Variants in SKAP1 observed in about 807,000 individuals in gnomAD.
SKAP1 encodes src kinase-associated phosphoprotein 1.
Under a neutral mutation model 58.5 loss-of-function variants are expected in SKAP1, and 44 were observed. That is an observed-to-expected ratio of 0.75 (90% CI 0.59 to 0.97). The LOEUF (loss-of-function observed/expected upper bound fraction) is 0.97. SKAP1 is among the 50% of genes least tolerant of loss of function. The pLI is 0.00. For synonymous variants in SKAP1, 127 were observed against 149.7 expected, an observed-to-expected ratio of 0.85 and a Z score of 1.11; for missense variants, 390 against 435.2, an observed-to-expected ratio of 0.90 and a Z score of 0.92.
At chr17:48,381,010 T>G (rs1338081012) in intron 2 of SKAP1, among the ~76,000 whole-genome samples, 1 of 152,206 alleles carries the variant, frequency 6.6e-6, no homozygotes, top group Admixed American at 6.5e-5. Flanking sequence ...TGTATACAAA[T>G]TATACCCAAT....
chr17:48,393,612 TA>T (rs1211101453), intron 2 of SKAP1, among the ~76,000 whole-genome samples: 3 of 152,072 alleles, frequency 2.0e-5, no homozygotes, highest in African/African-American at 7.2e-5. Context: ...AAGCCAGCCA[TA>T]AAAATAAGAG....
chr17:48,205,033 TTCTTTC>T (rs1344799199), intron 4 of SKAP1, among the ~76,000 whole-genome samples: 4 of 43,926 alleles, frequency 9.1e-5, no homozygotes, highest in African/African-American at 2.5e-4. Flanking sequence ...CTTTCTTTCT[TTCTTTC>T]TCTCTCTCTC....
chr17:48,315,566 A>C (rs900467404), intron 4 of SKAP1, among the ~76,000 whole-genome samples: 4 of 152,238 alleles, frequency 2.6e-5, no homozygotes, highest in Admixed American at 2.6e-4. Flanking sequence ...TTTATTAGAC[A>C]CAACTATCCA....
chr17:48,164,369 G>C (rs1223551286), intron 10 of SKAP1, among the ~76,000 whole-genome samples: 2 of 152,170 alleles, frequency 1.3e-5, no homozygotes, highest in Non-Finnish European at 2.9e-5. Context: ...TTTCTAAGTG[G>C]TAAGGAGACT....
the SKAP1 span, among the ~76,000 whole-genome samples, chr17:48,437,082 C>T: frequency 1.3e-5 from 2 of 152,274 alleles, no homozygotes; most frequent in African/African-American, 4.8e-5. Context: ...TCTCTTTGTT[C>T]TCTGAGTCTC....
intron 1 of SKAP1, among the ~76,000 whole-genome samples, chr17:48,398,260 A>G (rs118073475): frequency 0.035 from 5,366 of 152,130 alleles, 137 homozygotes; most frequent in Non-Finnish European, 0.054. Flanking sequence ...GCAGCATTAG[A>G]TCCTTATAGG....
At chr17:48,256,773 G>T (rs1190638101) in intron 4 of SKAP1, among the ~76,000 whole-genome samples, 26 of 152,084 alleles carry the variant, frequency 1.7e-4, no homozygotes, top group Non-Finnish European at 2.9e-5. Context: ...TGAAGGTAAG[G>T]AAGGAAGAAG....
At chr17:48,264,834 C>G (rs2065525741) in intron 4 of SKAP1, among the ~76,000 whole-genome samples, 1 of 151,858 alleles carries the variant, frequency 6.6e-6, no homozygotes, top group Non-Finnish European at 1.5e-5. Context: ...GTACTTGTCC[C>G]CAGCCTCTTC....
chr17:48,430,062 G>A lies in SKAP1; in HGVS notation c.46+13C>T. 7.9e-7 allele frequency: 1 copy of A among 1,262,788 alleles called. No homozygotes were observed. The highest frequency in any genetic ancestry group is 1.0e-6 in the Non-Finnish European group (1 of 996,210). 78.2% of individuals were successfully genotyped at this position (1,262,788 alleles called of 1,614,324 possible). On this transcript the variant is annotated intron_variant, in intron 1 of 12. Transcript: ENST00000336915. Reference sequence around the variant, plus strand: ...CGGCTCAGCACTGGAGGGGGCCTGCGCCAGGGCGTTACCTTCCAGGAGCCA... The same window carrying A: ...CGGCTCAGCACTGGAGGGGGCCTGCACCAGGGCGTTACCTTCCAGGAGCCA...
intron 2 of SKAP1, among the ~76,000 whole-genome samples, chr17:48,370,662 C>T (rs2067072788): frequency 6.6e-6 from 1 of 152,170 alleles, no homozygotes; most frequent in South Asian, 2.1e-4. Flanking sequence ...AAAAGGAACA[C>T]TTATACATTG....
At chr17:48,140,185 C>A (rs2063751156) in intron 11 of SKAP1, among the ~76,000 whole-genome samples, 1 of 152,192 alleles carries the variant, frequency 6.6e-6, no homozygotes. Flanking sequence ...TACTTAGGCT[C>A]TCTCTCCATG....
chr17:48,351,743 G>A (rs2066804482), intron 3 of SKAP1, among the ~76,000 whole-genome samples: 1 of 152,064 alleles, frequency 6.6e-6, no homozygotes, highest in Non-Finnish European at 1.5e-5. Flanking sequence ...AGAACCTTTA[G>A]AGATAACATT....
chr17:48,155,003 T>C (rs2063953908), intron 11 of SKAP1, among the ~76,000 whole-genome samples: 1 of 150,324 alleles, frequency 6.7e-6, no homozygotes, highest in Non-Finnish European at 1.5e-5. Flanking sequence ...GAGGTTGCAG[T>C]GAGCCAAGAT....
intron 4 of SKAP1, among the ~76,000 whole-genome samples, chr17:48,283,936 G>A (rs866135987): frequency 1.3e-5 from 2 of 152,142 alleles, no homozygotes; most frequent in Non-Finnish European, 2.9e-5. Flanking sequence ...TGATTACTCA[G>A]TTTATTTCAA....
intron 4 of SKAP1, among the ~76,000 whole-genome samples, chr17:48,270,642 T>C (rs993250990): frequency 2.6e-4 from 40 of 152,050 alleles, no homozygotes; most frequent in African/African-American, 9.4e-4. Flanking sequence ...CGCCTGGCCC[T>C]ATTTTTTATT....
chr17:48,155,513 C>T (rs1203590993), intron 11 of SKAP1, among the ~76,000 whole-genome samples: 2 of 152,154 alleles, frequency 1.3e-5, no homozygotes, highest in Non-Finnish European at 2.9e-5. Context: ...GGACTTGTGA[C>T]TTGTCTTATC....
chr17:48,437,859 A>G, the SKAP1 span, among the ~76,000 whole-genome samples: 18 of 151,874 alleles, frequency 1.2e-4, no homozygotes, highest in African/African-American at 4.1e-4. Flanking sequence ...CTAAACAGCC[A>G]CTAAGGCCAC....
intron 2 of SKAP1, among the ~76,000 whole-genome samples, chr17:48,386,650 G>A (rs1350221298): frequency 3.9e-5 from 6 of 152,108 alleles, no homozygotes; most frequent in South Asian, 2.1e-4. Context: ...CTATAAAGTC[G>A]TGATAATCTT....
At position 48,301,564 on chromosome 17, in the gene SKAP1, A is replaced by G. The variant is rs552103436; in HGVS notation, c.280+44341T>C. On this transcript the variant is annotated intron_variant, in intron 4 of 12. Coordinates refer to ENST00000336915, the MANE Select transcript of SKAP1 (RefSeq NM_003726.4). ...CAACCTCCGTCTCCTGGGTTCAAGA[A>G]TTGCTTGAACCCAGCAATTCTTCTA... Among the ~76,000 whole-genome samples the G allele has an allele frequency of 6.6e-5, 10 of 152,108 alleles. 1 individual carries two copies. The South Asian group carries it at 2.1e-3, about 32-fold the overall frequency.
Sources: gnomAD v4.1 joint callset for allele counts (sites outside exome capture counted in the v4.1 genomes callset) on GRCh38, gnomAD v4.1.1 for gene constraint, MANE v1.5 for transcripts, NCBI Gene and HGNC (gene_info 2026-07-23, HGNC 2026-07-21) for gene names.